Variants in BLNK observed in about 807,000 individuals in gnomAD.
The protein encoded by BLNK is B cell linker, also known as B-cell linker protein.
A neutral mutation model predicts 73.5 loss-of-function variants in BLNK; 29 were observed. The ratio of observed to expected loss-of-function variants is 0.39; its 90% CI spans 0.29 to 0.54. The LOEUF is 0.54. BLNK is among the 20% of genes least tolerant of loss of function. BLNK has a pLI of 0.61. For synonymous variants in BLNK, 176 were observed against 200.8 expected (o/e 0.88, Z 1.04); for missense variants, 460 against 562.8 (o/e 0.82, Z 1.85).
chr10:96,253,840 C>T (rs1214673898), intron 1 of BLNK, among the ~76,000 whole-genome samples: 2 of 151,644 alleles, frequency 1.3e-5, no homozygotes, highest in Non-Finnish European at 2.9e-5. Flanking sequence ...ACGGTGAAAC[C>T]CCATCTCTAC....
chr10:96,216,279 C>T, intron 7 of BLNK: 2 of 258,640 alleles, frequency 7.7e-6, no homozygotes, highest in Non-Finnish European at 1.5e-5. Flanking sequence ...TTTTTTCACT[C>T]CTCTGCAGAA....
chr10:96,250,408 GAGA>G (rs1227308664), intron 1 of BLNK, among the ~76,000 whole-genome samples: 3 of 134,112 alleles, frequency 2.2e-5, no homozygotes, highest in African/African-American at 7.5e-5. Flanking sequence ...CAGACAGAGA[GAGA>G]GGGGGAGAGA....
At position 96,197,016 on chromosome 10, in the gene BLNK, T is replaced by C; in HGVS notation, c.1143A>G (p.Gln381=). 1 of 1,613,256 alleles carries C rather than the reference T, an allele frequency of 6.2e-7. No homozygotes were observed. The highest frequency in any genetic ancestry group is 1.1e-5 in the South Asian group (1 of 90,988). The change falls in exon 16 of 17, where the codon CAA becomes CAG. Residue 381 remains glutamine, a synonymous_variant. Transcript: ENST00000224337. The part of the protein sequence containing the change: ...IRKSSGHDSK[Q]PYTLVVFFNK... ...TAAAGAATACAACTAGTGTATATGG[T>C]TGTTTGGAATCATGGCCAGAGCTTT... is the stretch of plus-strand genomic sequence containing the variant.
intron 3 of BLNK, among the ~76,000 whole-genome samples, chr10:96,242,428 A>G (rs1273936310): frequency 2.0e-5 from 3 of 152,244 alleles, no homozygotes; most frequent in Admixed American, 6.5e-5. Flanking sequence ...CTTCTGGACT[A>G]TAAATTCCTC....
chr10:96,215,417 A>G (rs781892605), intron 7 of BLNK, 28 bp from the exon 8 acceptor site: 28 of 1,444,046 alleles, frequency 1.9e-5, no homozygotes, highest in Admixed American at 3.6e-5. Context: ...GTGTGTATAT[A>G]TATATATATA....
chr10:96,209,372 ATTTAT>A (rs2083895317), intron 9 of BLNK, among the ~76,000 whole-genome samples: 1 of 66,588 alleles, frequency 1.5e-5, no homozygotes, highest in Admixed American at 2.1e-4. Flanking sequence ...ATACTTCTAG[ATTTAT>A]TTATTTATTT....
At chr10:96,268,030 A>T (rs957073317) in intron 1 of BLNK, among the ~76,000 whole-genome samples, 4 of 152,186 alleles carry the variant, frequency 2.6e-5, no homozygotes, top group Non-Finnish European at 4.4e-5. Flanking sequence ...ATCTTGCCTA[A>T]AATCACACAA....
At chr10:96,235,380 C>A (rs1260198097) in intron 3 of BLNK, among the ~76,000 whole-genome samples, 1 of 152,140 alleles carries the variant, frequency 6.6e-6, no homozygotes, top group Non-Finnish European at 1.5e-5. Context: ...GTATTCTTAT[C>A]CCCAGGTCAG....
At chr10:96,219,058 G>C (rs1298172546) in intron 6 of BLNK, among the ~76,000 whole-genome samples, 1 of 152,174 alleles carries the variant, frequency 6.6e-6, no homozygotes, top group Non-Finnish European at 1.5e-5. Context: ...GCCATTCAGA[G>C]GTGGGCACTT....
At position 96,191,462 on chromosome 10, in the gene BLNK, G is replaced by A. The variant is rs1554893424; in HGVS notation, c.*511C>T. Among the ~76,000 whole-genome samples the A allele has an allele frequency of 6.6e-6, 1 of 151,912 alleles. No homozygotes were observed. Among genetic ancestry groups the A allele is most frequent in the African/African-American group, 2.4e-5 (1 of 41,396 alleles). On this transcript the variant is annotated 3_prime_UTR_variant, in exon 17 of 17. Transcript: ENST00000224337. ...ATATATATATATCCCATGGTTGAGA[G>A]TGCTCACAAAAAGGAACCATTACAT...
At chr10:96,205,911 CTCAGAGCTCCTGAAG>C (rs1449551285) in intron 11 of BLNK, among the ~76,000 whole-genome samples, 6 of 152,148 alleles carry the variant, frequency 3.9e-5, no homozygotes, top group African/African-American at 1.4e-4. Flanking sequence ...CCTACAGATG[CTCAGAGCTCCTGAAG>C]TCACTATCAC....
At chr10:96,217,049 T>C (rs782080238) in intron 6 of BLNK, among the ~76,000 whole-genome samples, 1 of 152,212 alleles carries the variant, frequency 6.6e-6, no homozygotes, top group Non-Finnish European at 1.5e-5. Context: ...TTCTGGACAT[T>C]GAATATGCAC....
intron 7 of BLNK, 77 bp downstream of exon 7, chr10:96,216,576 T>C: frequency 1.6e-6 from 2 of 1,267,594 alleles, no homozygotes; most frequent in East Asian, 2.3e-5. Flanking sequence ...AGCCTCTTAG[T>C]GCTTACTACC....
chr10:96,243,846 T>C (rs1330181805), intron 2 of BLNK, among the ~76,000 whole-genome samples: 1 of 152,172 alleles, frequency 6.6e-6, no homozygotes, highest in African/African-American at 2.4e-5. Flanking sequence ...TAATAATTAT[T>C]ACCCATTTTA....
chr10:96,193,373 G>A (rs1554893952), intron 16 of BLNK, among the ~76,000 whole-genome samples: 1 of 152,190 alleles, frequency 6.6e-6, no homozygotes, highest in East Asian at 1.9e-4. Context: ...GAAAAAGTGT[G>A]TCCTGAACCT....
At chr10:96,227,642 G>A in intron 4 of BLNK, 76 bp from the exon 5 acceptor site, 2 of 1,603,956 alleles carry the variant, frequency 1.2e-6, no homozygotes, top group Non-Finnish European at 1.7e-6. Context: ...TTCCTGCCTT[G>A]GGAGGCCAGA....
chr10:96,259,928 A>G (rs1048091331), intron 1 of BLNK, among the ~76,000 whole-genome samples: 1 of 152,004 alleles, frequency 6.6e-6, no homozygotes, highest in African/African-American at 2.4e-5. Context: ...ATGGCAAGGA[A>G]ATGATGCTAT....
At chr10:96,222,896 G>A (rs1189587860) in intron 6 of BLNK, among the ~76,000 whole-genome samples, 1 of 152,138 alleles carries the variant, frequency 6.6e-6, no homozygotes, top group Non-Finnish European at 1.5e-5. Flanking sequence ...GGGCTCCCCT[G>A]CCCCAGGAAT....
At position 96,201,009 on chromosome 10, in the gene BLNK, A is replaced by G; in HGVS notation, c.984T>C (p.Phe328=). ...GTTCTGAAATAGTGGAATTAGATGA[A>G]AAGCTGGGTAGGGGCCCATCCACAG... is the stretch of plus-strand genomic sequence containing the variant. ...NPTVDGPLPS[F]SSNSTISEQE... The change falls in exon 14 of 17, where the codon TTT becomes TTC. Residue 328 remains phenylalanine (F), a synonymous_variant. Transcript: ENST00000224337. 1 of 1,614,168 alleles carries G rather than the reference A, an allele frequency of 6.2e-7. No homozygotes were observed. Among genetic ancestry groups the G allele is most frequent in the Non-Finnish European group, 8.5e-7 (1 of 1,179,994 alleles).
Sources: gnomAD v4.1 joint callset for allele counts (sites outside exome capture counted in the v4.1 genomes callset) on GRCh38, gnomAD v4.1.1 for gene constraint, MANE v1.5 for transcripts, NCBI Gene and HGNC (gene_info 2026-07-23, HGNC 2026-07-21) for gene names.